The following RABGAP1L variants were observed in gnomAD, a reference collection of about 807,000 sequenced individuals.
RABGAP1L encodes RAB GTPase activating protein 1 like.
In RABGAP1L, 63 loss-of-function variants were observed where a neutral mutation model predicts 137.7. That is an observed-to-expected ratio of 0.46 (90% CI 0.37 to 0.56). The LOEUF is 0.56. RABGAP1L is among the 20% of genes least tolerant of loss of function. The probability of loss-of-function intolerance (pLI) is 0.00; values close to 1 mark genes in which losing one functional copy is unlikely to be tolerated. For missense variants in RABGAP1L, 1,095 were observed against 1,244.0 expected, an observed-to-expected ratio of 0.88 and a Z score of 1.80; for synonymous variants, 431 against 433.7, an observed-to-expected ratio of 0.99 and a Z score of 0.08.
chr1:174,221,863 G>T (rs750587440), intron 3 of RABGAP1L, among the ~76,000 whole-genome samples: 1 of 152,182 alleles, frequency 6.6e-6, no homozygotes, highest in South Asian at 2.1e-4. Flanking sequence ...GTGGCAAAGA[G>T]AAAGTCTTCA....
intron 14 of RABGAP1L, 59 bp downstream of exon 14, chr1:174,637,547 C>A: frequency 7.8e-7 from 1 of 1,276,012 alleles, no homozygotes; most frequent in Non-Finnish European, 1.1e-6. Flanking sequence ...TTTAGAAACC[C>A]ATTTAAGGAT....
At chr1:174,877,908 C>CATAT (rs1653413942) in intron 19 of RABGAP1L, among the ~76,000 whole-genome samples, 1 of 152,100 alleles carries the variant, frequency 6.6e-6, no homozygotes, top group Non-Finnish European at 1.5e-5. Flanking sequence ...ATTTACATAG[C>CATAT]ATACAATTGA....
At chr1:174,536,434 T>C (rs1252125265) in intron 13 of RABGAP1L, among the ~76,000 whole-genome samples, 1 of 152,120 alleles carries the variant, frequency 6.6e-6, no homozygotes, top group Non-Finnish European at 1.5e-5. Context: ...ATGTGCTTTC[T>C]ATGAAATTTT....
In RABGAP1L at chr1:174,307,897, T is replaced by C. The variant is rs189092795; in HGVS notation, c.1465+2770T>C. Among the ~76,000 whole-genome samples the C allele has an allele frequency of 2.6e-5, 4 of 152,222 alleles. No individual in the cohort carries two copies. The East Asian group carries it at 5.8e-4, about 22-fold the overall frequency. The stretch of plus-strand genomic sequence containing the variant: ...AATTTTTTGAGGAACCACCATAGTG[T>C]TTTTCATAGTGGTTGTACCAATTTG... On this transcript the variant is annotated intron_variant, in intron 11 of 25. Coordinates refer to ENST00000681986, the MANE Select transcript of RABGAP1L (RefSeq NM_001366446.1).
intron 18 of RABGAP1L, among the ~76,000 whole-genome samples, chr1:174,797,816 A>G (rs1458163477): frequency 1.3e-5 from 2 of 151,872 alleles, no homozygotes; most frequent in South Asian, 2.1e-4. Context: ...AGCTGAACCT[A>G]TCCTCATCCT....
chr1:174,161,790 T>C (rs1006589366), intron 1 of RABGAP1L, among the ~76,000 whole-genome samples: 3 of 152,196 alleles, frequency 2.0e-5, no homozygotes, highest in African/African-American at 4.8e-5. Context: ...GTGCAGTGGC[T>C]CAGTCCTAGC....
At chr1:174,964,931 A>T (rs1169991272) in intron 20 of RABGAP1L, 2 of 1,490,242 alleles carry the variant, frequency 1.3e-6, no homozygotes, top group South Asian at 1.3e-5. Context: ...CTTTTTTTTT[A>T]ATTGTCTTTG....
intron 19 of RABGAP1L, among the ~76,000 whole-genome samples, chr1:174,859,714 A>T (rs908232700): frequency 5.3e-5 from 8 of 152,026 alleles, no homozygotes; most frequent in Non-Finnish European, 1.0e-4. Flanking sequence ...GAGGGAGAGG[A>T]TCAGGAAAAA....
intron 13 of RABGAP1L, among the ~76,000 whole-genome samples, chr1:174,410,509 C>G (rs1483849246): frequency 1.3e-5 from 2 of 152,110 alleles, no homozygotes; most frequent in Non-Finnish European, 1.5e-5. Flanking sequence ...GGAGCCCTTT[C>G]CCTATTGCTT....
chr1:174,444,948 G>T (rs547347634), intron 13 of RABGAP1L, among the ~76,000 whole-genome samples: 3 of 151,478 alleles, frequency 2.0e-5, no homozygotes, highest in East Asian at 3.9e-4. Context: ...ACCTATTTCG[G>T]TCCCATTTTC....
At chr1:174,299,935 G>A (rs923753211) in intron 10 of RABGAP1L, among the ~76,000 whole-genome samples, 5 of 152,148 alleles carry the variant, frequency 3.3e-5, no homozygotes, top group African/African-American at 4.8e-5. Context: ...GACAACAATT[G>A]TCTGTGAGTA....
At chr1:174,613,111 T>C (rs1031767549) in intron 13 of RABGAP1L, among the ~76,000 whole-genome samples, 25 of 149,932 alleles carry the variant, frequency 1.7e-4, no homozygotes, top group Admixed American at 1.3e-3. Context: ...TTTGAATGTG[T>C]TTGCTCTTGC....
intron 24 of RABGAP1L, 87 bp from the exon 25 acceptor site, chr1:174,988,554 A>G: frequency 8.7e-7 from 1 of 1,155,048 alleles, no homozygotes; most frequent in Non-Finnish European, 1.2e-6. Flanking sequence ...GACAATAAGC[A>G]GCATCTAAAA....
At chr1:174,843,525 G>C (rs1289746499) in intron 19 of RABGAP1L, among the ~76,000 whole-genome samples, 2 of 142,126 alleles carry the variant, frequency 1.4e-5, no homozygotes, top group African/African-American at 2.6e-5. Context: ...ATGGTTTCCA[G>C]TTTCATCCAT....
In RABGAP1L at chr1:174,689,696, A is replaced by C. The variant is rs540331798; in HGVS notation, c.1899+6100A>C. Reference sequence around the variant, plus strand: ...CATTTATTTAAAGTGACACACAACAACACCACCAACAACTCCCTCTGTTTT... The same window carrying C: ...CATTTATTTAAAGTGACACACAACACCACCACCAACAACTCCCTCTGTTTT... On this transcript the variant is annotated intron_variant, in intron 15 of 25. Coordinates refer to ENST00000681986, the MANE Select transcript of RABGAP1L (RefSeq NM_001366446.1). Among the ~76,000 whole-genome samples the C allele has an allele frequency of 4.5e-4, 68 of 152,220 alleles. 1 individual carries two copies. Among genetic ancestry groups the C allele is most frequent in the Middle Eastern group, 3.4e-3 (1 of 294 alleles).
At chr1:174,250,710 A>C (rs747366059) in intron 6 of RABGAP1L, 78 bp downstream of exon 6, 5 of 1,335,670 alleles carry the variant, frequency 3.7e-6, no homozygotes, top group Non-Finnish European at 5.2e-6. Context: ...TCAAGAAACT[A>C]TACAGTGTTG....
chr1:174,737,842 A>G (rs552559454), intron 17 of RABGAP1L, among the ~76,000 whole-genome samples: 2 of 152,162 alleles, frequency 1.3e-5, no homozygotes, highest in African/African-American at 4.8e-5. Context: ...TATCACATGG[A>G]AAGAGCGGGA....
intron 13 of RABGAP1L, among the ~76,000 whole-genome samples, chr1:174,614,990 T>C (rs1346261426): frequency 1.3e-5 from 2 of 152,236 alleles, no homozygotes; most frequent in African/African-American, 2.4e-5. Context: ...TAAATTTTTT[T>C]CAAAGTTATT....
chr1:174,891,376 G>C (rs1264596974), intron 19 of RABGAP1L, among the ~76,000 whole-genome samples: 1 of 152,110 alleles, frequency 6.6e-6, no homozygotes, highest in Non-Finnish European at 1.5e-5. Flanking sequence ...ATAAATGAAG[G>C]TTTTGAGTAG....
Sources: gnomAD v4.1 joint callset for allele counts (sites outside exome capture counted in the v4.1 genomes callset) on GRCh38, gnomAD v4.1.1 for gene constraint, MANE v1.5 for transcripts, NCBI Gene and HGNC (gene_info 2026-07-23, HGNC 2026-07-21) for gene names.